Variants in ANO6 observed in about 807,000 individuals in gnomAD.
ANO6 encodes the protein anoctamin 6.
A neutral mutation model predicts 117.5 loss-of-function variants in ANO6; 106 were observed. That is an observed-to-expected ratio of 0.90 (90% CI 0.77 to 1.06). The LOEUF (loss-of-function observed/expected upper bound fraction) is 1.06. Ranked by LOEUF, ANO6 falls within the 50% of genes least tolerant of loss-of-function variation. The pLI, the probability that ANO6 is intolerant of heterozygous loss-of-function variation, is 0.00. For missense variants in ANO6, 955 were observed against 1,121.1 expected (o/e 0.85, Z 2.12); for synonymous variants, 367 against 385.1 (o/e 0.95, Z 0.55).
intron 12 of ANO6, among the ~76,000 whole-genome samples, chr12:45,392,037 C>T (rs1942466527): frequency 6.6e-6 from 1 of 152,230 alleles, no homozygotes; most frequent in Non-Finnish European, 1.5e-5. Context: ...CGAGCTGAAG[C>T]AGGGCAGGGC....
At chr12:45,323,953 T>TG in intron 2 of ANO6, among the ~76,000 whole-genome samples, 1 of 147,224 alleles carries the variant, frequency 6.8e-6, no homozygotes, top group South Asian at 2.2e-4. Context: ...TTTTTTTTTT[T>TG]TGAGACAGAA....
chr12:45,308,101 A>G (rs905573236), intron 2 of ANO6, among the ~76,000 whole-genome samples: 13 of 131,942 alleles, frequency 9.9e-5, no homozygotes, highest in Admixed American at 2.4e-4. Flanking sequence ...GAAAAGGGGT[A>G]GTACCCGGAA....
At chr12:45,423,105 T>G in intron 19 of ANO6, 43 bp downstream of exon 19, 1 of 1,432,422 alleles carries the variant, frequency 7.0e-7, no homozygotes, top group Non-Finnish European at 9.9e-7. Context: ...GGATGTGTAT[T>G]TGCAGACCTT....
At chr12:45,227,190 A>G (rs533135927) in intron 1 of ANO6, among the ~76,000 whole-genome samples, 12 of 152,160 alleles carry the variant, frequency 7.9e-5, no homozygotes, top group Non-Finnish European at 1.6e-4. Flanking sequence ...AGGTTTCACC[A>G]TGTTGGCCAG....
At position 45,430,993 on chromosome 12, in the gene ANO6, A is replaced by T; in HGVS notation, c.*1682A>T. ...ACTCAGATTTTAGAGGCTTTTTACA[A>T]TAAAGTAGCGTAACTCTAGGTCATG... is the stretch of plus-strand genomic sequence containing the variant. On this transcript the variant is annotated 3_prime_UTR_variant, in exon 20 of 20. Transcript: ENST00000320560. 5.1e-6 allele frequency: 5 copies of T among 985,444 alleles called. No homozygotes were observed. Among genetic ancestry groups the T allele is most frequent in the Non-Finnish European group, 6.0e-6 (5 of 829,944 alleles). 61.0% of individuals were successfully genotyped at this position (985,444 alleles called of 1,614,324 possible).
At chr12:45,422,816 C>G (rs989900282) in intron 18 of ANO6, 141 bp from the exon 19 acceptor site, 4 of 712,764 alleles carry the variant, frequency 5.6e-6, no homozygotes, top group Non-Finnish European at 1.0e-5. Context: ...TCAAGTGATC[C>G]ACATGCCTCA....
At position 45,348,436 on chromosome 12, in the gene ANO6, A is replaced by G. The variant is rs1941199943; in HGVS notation, c.634-82A>G. The G allele has an allele frequency of 3.9e-6, 6 of 1,551,214 alleles. No individual in the cohort carries two copies. The highest frequency in any genetic ancestry group is 5.3e-6 in the Non-Finnish European group (6 of 1,123,742). ...AAAAAGAAAAGAAATATGCCAGCAG[A>G]TTTGTGTTACAGTAGTAAACAATGA... On this transcript the variant is annotated intron_variant, in intron 5 of 19. Transcript: ENST00000320560.
chr12:45,219,248 G>A (rs957760119), intron 1 of ANO6, among the ~76,000 whole-genome samples: 3 of 152,174 alleles, frequency 2.0e-5, no homozygotes, highest in African/African-American at 7.2e-5. Context: ...CTTTATGTAT[G>A]TATATGGAAA....
chr12:45,222,693 A>G (rs775510054), intron 1 of ANO6, among the ~76,000 whole-genome samples: 4 of 152,192 alleles, frequency 2.6e-5, no homozygotes, highest in Non-Finnish European at 4.4e-5. Flanking sequence ...AACTAAAACT[A>G]TAATCTTTCC....
At chr12:45,221,945 GATCTC>G (rs1947406837) in intron 1 of ANO6, among the ~76,000 whole-genome samples, 5 of 138,144 alleles carry the variant, frequency 3.6e-5, no homozygotes, top group Admixed American at 1.5e-4. Flanking sequence ...GCAGTGGCGT[GATCTC>G]AGCTCACGGC....
chr12:45,265,310 A>G (rs1938178970), intron 1 of ANO6, among the ~76,000 whole-genome samples: 1 of 152,210 alleles, frequency 6.6e-6, no homozygotes, highest in African/African-American at 2.4e-5. Flanking sequence ...GAATAAATAT[A>G]GCACACTCCA....
intron 1 of ANO6, among the ~76,000 whole-genome samples, chr12:45,295,631 G>A (rs1295564390): frequency 2.6e-5 from 4 of 151,932 alleles, no homozygotes; most frequent in Non-Finnish European, 4.4e-5. Flanking sequence ...GCCCAATTTC[G>A]GCTCACTGCA....
chr12:45,243,641 C>G (rs1228156109), intron 1 of ANO6, among the ~76,000 whole-genome samples: 1 of 152,096 alleles, frequency 6.6e-6, no homozygotes, highest in African/African-American at 2.4e-5. Flanking sequence ...CCTCCGCCTC[C>G]TGGGTTCAAG....
intron 7 of ANO6, among the ~76,000 whole-genome samples, chr12:45,354,146 G>A (rs1020369984): frequency 6.6e-6 from 1 of 152,092 alleles, no homozygotes; most frequent in Non-Finnish European, 1.5e-5. Flanking sequence ...TGAGTACCCA[G>A]CCTAGAGGAT....
At chr12:45,366,319 GT>G (rs752358664) in intron 8 of ANO6, among the ~76,000 whole-genome samples, 2 of 151,250 alleles carry the variant, frequency 1.3e-5, no homozygotes, top group Non-Finnish European at 2.9e-5. Flanking sequence ...TTCGTTTCTT[GT>G]TTATGCAATT....
chr12:45,322,688 A>G (rs1461927862), intron 2 of ANO6, among the ~76,000 whole-genome samples: 2 of 152,286 alleles, frequency 1.3e-5, no homozygotes, highest in South Asian at 4.1e-4. Flanking sequence ...AACGATGGCA[A>G]TAGATGGAAC....
At chr12:45,313,995 ACCTCAGGCT>A (rs1456168475) in intron 2 of ANO6, among the ~76,000 whole-genome samples, 1 of 152,008 alleles carries the variant, frequency 6.6e-6, no homozygotes, top group Non-Finnish European at 1.5e-5. Flanking sequence ...CATACTGTTC[ACCTCAGGCT>A]CCTGCATCAT....
intron 1 of ANO6, among the ~76,000 whole-genome samples, chr12:45,226,216 C>T (rs918047736): frequency 6.6e-6 from 1 of 152,130 alleles, no homozygotes; most frequent in Non-Finnish European, 1.5e-5. Context: ...ACTTTCTCTG[C>T]CATGGTAATT....
At chr12:45,327,204 T>G (rs975892584) in intron 2 of ANO6, among the ~76,000 whole-genome samples, 1 of 152,114 alleles carries the variant, frequency 6.6e-6, no homozygotes, top group East Asian at 1.9e-4. Context: ...GCAGTATCCA[T>G]AGCAAAGTTA....
Sources: gnomAD v4.1 joint callset for allele counts (sites outside exome capture counted in the v4.1 genomes callset) on GRCh38, gnomAD v4.1.1 for gene constraint, MANE v1.5 for transcripts, NCBI Gene and HGNC (gene_info 2026-07-23, HGNC 2026-07-21) for gene names.